Variants in KIAA1671 observed in about 807,000 individuals in gnomAD.
KIAA1671 encodes the protein KIAA1671.
In KIAA1671, 52 loss-of-function variants were observed where a neutral mutation model predicts 131.2. That is an observed-to-expected ratio of 0.40 (90% CI 0.32 to 0.50). The LOEUF (loss-of-function observed/expected upper bound fraction) is 0.50, where lower values mean the gene tolerates loss of function less well. Among genes scored for constraint, KIAA1671 ranks in the 20% least tolerant of loss-of-function variants. The pLI, the probability that KIAA1671 is intolerant of heterozygous loss-of-function variation, is 0.73. For missense variants in KIAA1671, 2,360 were observed against 2,364.2 expected, an observed-to-expected ratio of 1.00 and a Z score of 0.04; for synonymous variants, 1,003 against 961.6, an observed-to-expected ratio of 1.04 and a Z score of -0.80.
chr22:25,082,274 G>T (rs1023395390), intron 6 of KIAA1671, among the ~76,000 whole-genome samples: 1 of 152,132 alleles, frequency 6.6e-6, no homozygotes, highest in African/African-American at 2.4e-5. Context: ...GGCTTGCCGT[G>T]CACGTGTATT....
At position 25,028,384 on chromosome 22, in the gene KIAA1671, C is replaced by A. The variant is rs1480427234; in HGVS notation, c.385C>A (p.Pro129Thr). 49 of 1,550,746 alleles carry A rather than the reference C, an allele frequency of 3.2e-5. No individual in the cohort carries two copies. The highest frequency in any genetic ancestry group is 6.8e-5 in the African/African-American group (5 of 73,048). The change falls in exon 3 of 13, where the codon CCC becomes ACC. Residue 129 changes from proline to threonine, a missense_variant. This residue lies in a region of KIAA1671 where 1,185 missense variants were observed against 1,126.2 expected (regional missense o/e 1.05). Coordinates refer to ENST00000358431, the MANE Select transcript of KIAA1671 (RefSeq NM_001145206.2). ...TGGGGAGGGCCCGAGGACGAGCTCG[C>A]CCCTCTTCAACAAGGCTGTGTTCCT... The part of the protein sequence containing the change: ...GSGEGPRTSS[P>T]LFNKAVFLRP...
At chr22:25,180,080 C>G (rs140643410) in intron 9 of KIAA1671, among the ~76,000 whole-genome samples, 4 of 73,698 alleles carry the variant, frequency 5.4e-5, no homozygotes, top group African/African-American at 1.3e-4. Flanking sequence ...TTGGGCTACC[C>G]GAGGAACTGT....
rs1298552857 is a variant in KIAA1671, at chr22:25,038,792, C to T, written c.1662C>T (p.Cys554=). The T allele has an allele frequency of 2.6e-6, 4 of 1,549,578 alleles. No individual in the cohort carries two copies. The highest frequency in any genetic ancestry group is 2.5e-5 in the East Asian group (1 of 40,812). The change falls in exon 5 of 13, where the codon TGC becomes TGT. Residue 554 remains cysteine, a synonymous_variant. Transcript: ENST00000358431. ...QKEGHSLDGA[C]IPRSPWKPGT... ...AGGGGCACAGTTTGGATGGAGCATG[C>T]ATCCCGAGAAGCCCCTGGAAGCCTG... is the stretch of plus-strand genomic sequence containing the variant.
chr22:25,131,399 G>A (rs1932436433), intron 6 of KIAA1671, among the ~76,000 whole-genome samples: 2 of 152,224 alleles, frequency 1.3e-5, no homozygotes, highest in South Asian at 4.1e-4. Flanking sequence ...ACACCCATGG[G>A]CCTAGCAAGG....
At chr22:25,149,942 G>C (rs875352) in intron 6 of KIAA1671, among the ~76,000 whole-genome samples, 40,358 of 152,010 alleles carry the variant, frequency 0.27, 5,468 homozygotes, top group South Asian at 0.36. Flanking sequence ...CATGCCCTTC[G>C]TCTGTGTTGC....
chr22:24,969,482 GAC>G (rs1426349457), intron 1 of KIAA1671, among the ~76,000 whole-genome samples: 3 of 152,100 alleles, frequency 2.0e-5, no homozygotes, highest in Admixed American at 1.3e-4. Context: ...GTTCATTACA[GAC>G]ACAACCATCC....
At position 25,127,558 on chromosome 22, in the gene KIAA1671, A is replaced by G. The variant is rs564018856; in HGVS notation, c.4531-43262A>G. ...CTGCCCCCCTTGCAAGATTCTTCCCATCCCATCCTGCCCCACCCCACCCCT... is the reference window on the plus strand; with the variant it reads ...CTGCCCCCCTTGCAAGATTCTTCCCGTCCCATCCTGCCCCACCCCACCCCT... On this transcript the variant is annotated intron_variant, in intron 6 of 12. Coordinates refer to ENST00000358431, the MANE Select transcript of KIAA1671 (RefSeq NM_001145206.2). 2.0e-5 allele frequency among the ~76,000 whole-genome samples: 3 copies of G among 151,420 alleles called. No homozygotes were observed. In the East Asian group the frequency reaches 5.8e-4, roughly 29 times the overall value.
At chr22:25,159,422 G>C (rs1426690275) in intron 6 of KIAA1671, among the ~76,000 whole-genome samples, 3 of 152,280 alleles carry the variant, frequency 2.0e-5, no homozygotes, top group Admixed American at 1.3e-4. Context: ...CTGGACGTCA[G>C]GTCCAGGGAG....
intron 1 of KIAA1671, among the ~76,000 whole-genome samples, chr22:24,972,170 C>T (rs931328538): frequency 5.9e-5 from 9 of 152,076 alleles, no homozygotes; most frequent in African/African-American, 2.2e-4. Flanking sequence ...ATGTTATCAC[C>T]CAGACAGATA....
chr22:25,147,727 G>T (rs1031345172), intron 6 of KIAA1671, among the ~76,000 whole-genome samples: 1 of 152,104 alleles, frequency 6.6e-6, no homozygotes, highest in Admixed American at 6.5e-5. Context: ...TCCACAGCAG[G>T]TATCACCTTG....
chr22:25,060,680 G>A (rs1017577688), intron 6 of KIAA1671: 30 of 152,344 alleles, frequency 2.0e-4, no homozygotes, highest in African/African-American at 6.7e-4. Flanking sequence ...CACTGGGCAG[G>A]TAGCACAGGT....
chr22:24,974,609 A>ACATTTTTC (rs2123818785), intron 1 of KIAA1671, among the ~76,000 whole-genome samples: 1 of 151,634 alleles, frequency 6.6e-6, no homozygotes, highest in East Asian at 1.9e-4. Flanking sequence ...TGTTTTTCAA[A>ACATTTTTC]CATTTTTCTT....
intron 1 of KIAA1671, among the ~76,000 whole-genome samples, chr22:24,965,101 TAAAA>T (rs3063196): frequency 0.052 from 7,371 of 140,804 alleles, 557 homozygotes; most frequent in African/African-American, 0.16. Context: ...AGTAGGCTCT[TAAAA>T]AAAAAAAAAA....
intron 6 of KIAA1671, among the ~76,000 whole-genome samples, chr22:25,139,221 T>G (rs2145957548): frequency 6.6e-6 from 1 of 151,986 alleles, no homozygotes; most frequent in South Asian, 2.1e-4. Flanking sequence ...AATTACATAG[T>G]AAGAAGGGGG....
intron 1 of KIAA1671, among the ~76,000 whole-genome samples, chr22:24,964,251 C>A (rs1922174899): frequency 6.6e-6 from 1 of 151,972 alleles, no homozygotes; most frequent in South Asian, 2.1e-4. Context: ...ATTGCTTGAA[C>A]CTGGGAGGCA....
At chr22:24,994,405 G>C (rs1924000904) in intron 1 of KIAA1671, among the ~76,000 whole-genome samples, 1 of 152,148 alleles carries the variant, frequency 6.6e-6, no homozygotes, top group South Asian at 2.1e-4. Context: ...AGCTGTGCTG[G>C]GGACCTCTGG....
Position 25,029,318 on chromosome 22 carries a change from G to A in KIAA1671, c.1319G>A (p.Cys440Tyr), listed in dbSNP as rs1178964202. 5.2e-6 allele frequency: 8 copies of A among 1,542,740 alleles called. No homozygotes were observed. The highest frequency in any genetic ancestry group is 7.0e-6 in the Non-Finnish European group (8 of 1,141,998). The change falls in exon 3 of 13, where the codon TGC becomes TAC. Residue 440 changes from cysteine to tyrosine, a missense_variant. This residue lies in a region of KIAA1671 where 1,185 missense variants were observed against 1,126.2 expected (regional missense o/e 1.05). Transcript: ENST00000358431. The part of the protein sequence containing the change: ...EWASRRSVRK[C>Y]ISLFREDSTL... ...GCCTCCAGGAGGAGTGTCAGGAAGT[G>A]CATCAGCCTGTTTCGGGAGGACAGC...
intron 1 of KIAA1671, among the ~76,000 whole-genome samples, chr22:25,017,812 C>T (rs1925411814): frequency 6.6e-6 from 1 of 152,170 alleles, no homozygotes; most frequent in African/African-American, 2.4e-5. Context: ...CTCCCCCATG[C>T]AACCTGGACT....
At chr22:24,977,067 T>C (rs1367167204) in intron 1 of KIAA1671, among the ~76,000 whole-genome samples, 1 of 152,158 alleles carries the variant, frequency 6.6e-6, no homozygotes, top group East Asian at 1.9e-4. Context: ...CAGAGAGCTG[T>C]CATGAGGATT....
Sources: gnomAD v4.1 joint callset for allele counts (sites outside exome capture counted in the v4.1 genomes callset) on GRCh38, gnomAD v4.1.1 for gene constraint, gnomAD v4.1.1 regional missense constraint, MANE v1.5 for transcripts, NCBI Gene and HGNC (gene_info 2026-07-23, HGNC 2026-07-21) for gene names.